Variants in OTUD7A observed in about 807,000 individuals in gnomAD.
OTUD7A encodes OTU domain-containing protein 7A.
A neutral mutation model predicts 65.7 loss-of-function variants in OTUD7A; 12 were observed. The ratio of observed to expected loss-of-function variants is 0.18; its 90% CI spans 0.12 to 0.30. The LOEUF is 0.30. Among genes scored for constraint, OTUD7A ranks in the 10% least tolerant of loss-of-function variants. The probability of loss-of-function intolerance (pLI) is 1.00; values close to 1 mark genes in which losing one functional copy is unlikely to be tolerated. For missense variants in OTUD7A, 1,148 were observed against 1,304.8 expected (o/e 0.88, Z 1.85); for synonymous variants, 641 against 586.3 (o/e 1.09, Z -1.35).
At chr15:31,798,338 T>A (rs752212010) in intron 1 of OTUD7A, among the ~76,000 whole-genome samples, 2 of 152,146 alleles carry the variant, frequency 1.3e-5, no homozygotes, top group South Asian at 4.1e-4. Context: ...CTGTCCTGCA[T>A]ACAGTTCAAT....
At chr15:31,730,105 G>A (rs1894000585) in intron 1 of OTUD7A, among the ~76,000 whole-genome samples, 1 of 152,150 alleles carries the variant, frequency 6.6e-6, no homozygotes, top group African/African-American at 2.4e-5. Context: ...GTTAAGAAGA[G>A]ACATCTGCTT....
chr15:31,640,067 T>C (rs1341224504), intron 3 of OTUD7A, among the ~76,000 whole-genome samples: 2 of 152,234 alleles, frequency 1.3e-5, no homozygotes, highest in African/African-American at 2.4e-5. Flanking sequence ...GTATCATGTC[T>C]AGAAAATCTT....
intron 4 of OTUD7A, among the ~76,000 whole-genome samples, chr15:31,562,207 G>T (rs1258421186): frequency 6.6e-6 from 1 of 152,140 alleles, no homozygotes; most frequent in South Asian, 2.1e-4. Context: ...CCTCCCAGGT[G>T]AGCCAATGTT....
At chr15:31,804,034 A>G (rs1293929625) in intron 1 of OTUD7A, among the ~76,000 whole-genome samples, 1 of 152,184 alleles carries the variant, frequency 6.6e-6, no homozygotes, top group African/African-American at 2.4e-5. Flanking sequence ...GCAGAGGATG[A>G]CAGGGGGGAT....
Position 31,560,416 on chromosome 15 carries a change from C to T in OTUD7A, c.332-1229G>A, listed in dbSNP as rs567561377. On this transcript the variant is annotated intron_variant, in intron 4 of 12. Coordinates refer to ENST00000307050, the MANE Select transcript of OTUD7A (RefSeq NM_001382637.1). Reference sequence around the variant, plus strand: ...CGCAGTGTAGGATTTCTCTAAGGTACAATATGTTACCATGTTAGGAAGTCG... The same window carrying T: ...CGCAGTGTAGGATTTCTCTAAGGTATAATATGTTACCATGTTAGGAAGTCG... Among the ~76,000 whole-genome samples, 12 of 152,318 alleles carry T rather than the reference C, an allele frequency of 7.9e-5. No individual in the cohort carries two copies. In the South Asian group the frequency reaches 2.5e-3, roughly 32 times the overall value.
intron 10 of OTUD7A, among the ~76,000 whole-genome samples, chr15:31,492,476 G>T (rs2041329541): frequency 6.6e-6 from 1 of 151,934 alleles, no homozygotes; most frequent in African/African-American, 2.4e-5. Flanking sequence ...TACTCTGGAG[G>T]CAGAGGCAGG....
intron 1 of OTUD7A, among the ~76,000 whole-genome samples, chr15:31,825,017 G>A (rs1361550850): frequency 1.3e-5 from 2 of 152,182 alleles, no homozygotes; most frequent in Non-Finnish European, 2.9e-5. Context: ...GTTCCACTCA[G>A]AATTTCTCAG....
intron 3 of OTUD7A, among the ~76,000 whole-genome samples, chr15:31,574,343 G>C (rs1204568978): frequency 1.3e-5 from 2 of 152,096 alleles, no homozygotes; most frequent in Non-Finnish European, 2.9e-5. Context: ...GTATCTGTGA[G>C]AGCAATAAAT....
chr15:31,510,966 A>G (rs868810419), intron 8 of OTUD7A, among the ~76,000 whole-genome samples: 1 of 102,758 alleles, frequency 9.7e-6, no homozygotes, highest in Non-Finnish European at 1.9e-5. Context: ...GTATATCTAT[A>G]TGTAACATAT....
chr15:31,685,661 A>T (rs1216542602), intron 1 of OTUD7A, among the ~76,000 whole-genome samples: 1 of 152,252 alleles, frequency 6.6e-6, no homozygotes, highest in Non-Finnish European at 1.5e-5. Context: ...TCCGTCTCAA[A>T]AAAAGATCCC....
chr15:31,529,189 T>C (rs2042054389), intron 6 of OTUD7A, among the ~76,000 whole-genome samples: 1 of 152,236 alleles, frequency 6.6e-6, no homozygotes, highest in African/African-American at 2.4e-5. Context: ...AGGCTGCTGT[T>C]TGACACAGAT....
rs1002266522 is a variant in OTUD7A, at chr15:31,547,912, A to G, written c.550+11057T>C. 9.9e-5 allele frequency among the ~76,000 whole-genome samples: 15 copies of G among 152,202 alleles called. 1 individual carries two copies. The highest frequency in any genetic ancestry group is 9.8e-4 in the Admixed American group (15 of 15,292). ...AGCTTAAACTAACTCTGTTTGCCCT[A>G]AAAAGAAGGTTAATGTGTAACAGTC... On this transcript the variant is annotated intron_variant, in intron 5 of 12. Transcript: ENST00000307050.
At chr15:31,616,371 C>G (rs1391327791) in intron 3 of OTUD7A, among the ~76,000 whole-genome samples, 1 of 152,084 alleles carries the variant, frequency 6.6e-6, no homozygotes, top group East Asian at 1.9e-4. Flanking sequence ...AGTGGAAAAT[C>G]CTTACATGCT....
rs779119499 is a variant in OTUD7A, at chr15:31,484,205, T to C, written c.1891A>G (p.Ile631Val). The change falls in exon 13 of 13, where the codon ATC becomes GTC. Residue 631 changes from isoleucine to valine, a missense_variant. Ile to Val is a conservative substitution (Grantham distance 29). Coordinates refer to ENST00000307050, the MANE Select transcript of OTUD7A (RefSeq NM_001382637.1). This position sits in a 1 kb window ranked among gnomAD's most constrained non-coding sequence, Gnocchi z 4.5. ...TCCCCCTGCATGGCGGCGCGCAGGA[T>C]GTTGAGGCTCAGCTTCACATCCGTG... ...YSTDVKLSLN[I>V]LRAAMQGERK... 1 of 1,608,966 alleles carries C rather than the reference T, an allele frequency of 6.2e-7. No homozygotes were observed. The highest frequency in any genetic ancestry group is 8.5e-7 in the Non-Finnish European group (1 of 1,178,928).
At position 31,483,207 on chromosome 15, in the gene OTUD7A, G is replaced by A; in HGVS notation, c.*87C>T. 9.7e-7 allele frequency: 1 copy of A among 1,030,270 alleles called. No individual in the cohort carries two copies. 63.8% of individuals were successfully genotyped at this position (1,030,270 alleles called of 1,614,324 possible). ...ACAGAGGAGGCGCCGGCCTTCCGGT[G>A]GACCAGGGCATGTAAAAAAGACACC... On this transcript the variant is annotated 3_prime_UTR_variant, in exon 13 of 13. Transcript: ENST00000307050.
Position 31,635,152 on chromosome 15 carries a change from A to C in OTUD7A, c.151+19944T>G, listed in dbSNP as rs545244743. On this transcript the variant is annotated intron_variant, in intron 3 of 12. Coordinates refer to ENST00000307050, the MANE Select transcript of OTUD7A (RefSeq NM_001382637.1). ...GCTTTTAAACCCCAAGCAAAGCTCC[A>C]TTCATAGTCCTTCTTGGCAAGTTTT... is the stretch of plus-strand genomic sequence containing the variant. Among the ~76,000 whole-genome samples, 156 of 152,258 alleles carry C rather than the reference A, an allele frequency of 1.0e-3. 1 individual carries two copies. Among genetic ancestry groups the C allele is most frequent in the South Asian group, 2.3e-3 (11 of 4,818 alleles).
chr15:31,630,192 G>A (rs554984267), intron 3 of OTUD7A, among the ~76,000 whole-genome samples: 4,564 of 147,836 alleles, frequency 0.031, 235 homozygotes, highest in African/African-American at 0.11. Flanking sequence ...TTAGGGTGTC[G>A]ATTTTGGATC....
In OTUD7A at chr15:31,560,872, C is replaced by T. The variant is rs79498554; in HGVS notation, c.332-1685G>A. Among the ~76,000 whole-genome samples, 438 of 152,334 alleles carry T rather than the reference C, an allele frequency of 2.9e-3. 5 individuals carry two copies. The highest frequency in any genetic ancestry group is 0.01 in the African/African-American group (416 of 41,572). ...CCACGGTCACACGGAAAACCCAGCC[C>T]CAGCTTTCACCCGGAACAGCAGCAT... On this transcript the variant is annotated intron_variant, in intron 4 of 12. Coordinates refer to ENST00000307050, the MANE Select transcript of OTUD7A (RefSeq NM_001382637.1).
intron 8 of OTUD7A, among the ~76,000 whole-genome samples, chr15:31,525,013 A>T (rs1369082364): frequency 6.6e-6 from 1 of 152,148 alleles, no homozygotes; most frequent in African/African-American, 2.4e-5. Context: ...GGAGATGTGT[A>T]TGTGATGGTC....
Sources: allele counts gnomAD v4.1 joint callset (sites outside exome capture counted in the v4.1 genomes callset), GRCh38; gene constraint gnomAD v4.1.1; non-coding constraint Gnocchi (gnomAD v3.1); transcripts MANE v1.5; gene names NCBI Gene and HGNC (gene_info 2026-07-23, HGNC 2026-07-21).